The following INSR variants were observed in gnomAD, a reference collection of about 807,000 sequenced individuals.
INSR encodes insulin receptor, also known as IR.
A neutral mutation model predicts 142.6 loss-of-function variants in INSR; 67 were observed. The observed-to-expected ratio is 0.47, with a 90% CI of 0.39 to 0.58. The LOEUF (loss-of-function observed/expected upper bound fraction) is 0.58, where lower values mean the gene tolerates loss of function less well. INSR is among the 20% of genes least tolerant of loss of function. The probability of loss-of-function intolerance (pLI) is 0.00; values close to 1 mark genes in which losing one functional copy is unlikely to be tolerated. For synonymous variants in INSR, 756 were observed against 743.1 expected (o/e 1.02, Z -0.28); for missense variants, 1,248 against 1,833.2 (o/e 0.68, Z 5.83).
At chr19:7,202,927 C>T (rs1243764118) in intron 2 of INSR, among the ~76,000 whole-genome samples, 1 of 151,760 alleles carries the variant, frequency 6.6e-6, no homozygotes, top group African/African-American at 2.4e-5. Context: ...TGCTTACTTG[C>T]AGCCAGAGAT....
At chr19:7,271,708 G>C (rs1006554127) in intron 1 of INSR, among the ~76,000 whole-genome samples, 2 of 152,148 alleles carry the variant, frequency 1.3e-5, no homozygotes, top group Non-Finnish European at 2.9e-5. Flanking sequence ...GTCTATAGCA[G>C]CATTATTCAT....
At chr19:7,262,732 A>G (rs1977102526) in intron 2 of INSR, among the ~76,000 whole-genome samples, 1 of 152,222 alleles carries the variant, frequency 6.6e-6, no homozygotes. Context: ...ATGCTCAGTG[A>G]AATAAGCCAG....
At chr19:7,152,382 A>C in intron 10 of INSR, 1 of 50,808 alleles carries the variant, frequency 2.0e-5, no homozygotes, top group South Asian at 1.4e-4. Context: ...CTCTGTCAAA[A>C]AAAAAAAAAA....
chr19:7,233,194 A>G (rs1976043609), intron 2 of INSR, among the ~76,000 whole-genome samples: 1 of 152,100 alleles, frequency 6.6e-6, no homozygotes, highest in South Asian at 2.1e-4. Flanking sequence ...GGGTTTCACC[A>G]TGTTGGCCAG....
chr19:7,172,880 A>AAC (rs1483916170), intron 4 of INSR, among the ~76,000 whole-genome samples: 1 of 127,832 alleles, frequency 7.8e-6, no homozygotes, highest in Non-Finnish European at 1.8e-5. Context: ...TAAAACTACA[A>AAC]AAAAAAAAAA....
Position 7,141,835 on chromosome 19 carries a change from A to C in INSR, c.2543-19T>G, listed in dbSNP as rs374285618. On this transcript the variant is annotated intron_variant, in intron 12 of 21. Coordinates refer to ENST00000302850, the MANE Select transcript of INSR (RefSeq NM_000208.4). ...GCCTTGGCTGTAAGGAGAGGAAGTG[A>C]GAGGCAGGGATGTAACTCTTGGATG... is the stretch of plus-strand genomic sequence containing the variant. 6.2e-7 allele frequency: 1 copy of C among 1,606,204 alleles called. No individual in the cohort carries two copies. The highest frequency in any genetic ancestry group is 1.3e-5 in the African/African-American group (1 of 74,740).
chr19:7,150,488 G>A lies in INSR; in HGVS notation c.2267+9C>T. The stretch of plus-strand genomic sequence containing the variant: ...AGCAGGCACCAGGGGTCGCACAGGT[G>A]AGTCATACCTAGGGTCCTCGGCACC... On this transcript the variant is annotated intron_variant, in intron 11 of 21. Transcript: ENST00000302850. This position sits in a 1 kb window ranked among gnomAD's most constrained non-coding sequence, Gnocchi z 4.2. The A allele has an allele frequency of 6.2e-7, 1 of 1,614,022 alleles. No individual in the cohort carries two copies. Among genetic ancestry groups the A allele is most frequent in the Non-Finnish European group, 8.5e-7 (1 of 1,179,892 alleles).
intron 2 of INSR, among the ~76,000 whole-genome samples, chr19:7,215,556 GTATTTATTTATT>G (rs146786396): frequency 2.8e-4 from 42 of 148,406 alleles, no homozygotes; most frequent in Non-Finnish European, 4.9e-4. Context: ...TCCTTTTCCT[GTATTTATTTATT>G]TATTTATTTA....
At chr19:7,247,382 C>T (rs955600702) in intron 2 of INSR, among the ~76,000 whole-genome samples, 2 of 152,144 alleles carry the variant, frequency 1.3e-5, no homozygotes, top group Non-Finnish European at 2.9e-5. Flanking sequence ...CTCTGAGCCC[C>T]GGTCAACACA....
At chr19:7,217,684 C>T (rs1225336554) in intron 2 of INSR, among the ~76,000 whole-genome samples, 1 of 152,202 alleles carries the variant, frequency 6.6e-6, no homozygotes, top group Non-Finnish European at 1.5e-5. Flanking sequence ...CTCAGCCTCC[C>T]AAGTAGGTGG....
intron 2 of INSR, among the ~76,000 whole-genome samples, chr19:7,209,550 T>C (rs1410784612): frequency 1.3e-5 from 2 of 150,796 alleles, no homozygotes; most frequent in East Asian, 3.9e-4. Flanking sequence ...CTCGAGTAAC[T>C]GGGATTATAG....
Position 7,129,377 on chromosome 19 carries a change from T to A in INSR, c.2843-423A>T, listed in dbSNP as rs182774463. On this transcript the variant is annotated intron_variant, in intron 14 of 21. Transcript: ENST00000302850. ...TCTTGCTCTGACACCCAGGCTAGAG[T>A]TCAGTGGCACGATCTCGGCTCACTG... 7.2e-5 allele frequency among the ~76,000 whole-genome samples: 11 copies of A among 152,296 alleles called. No individual in the cohort carries two copies. In the East Asian group the frequency reaches 1.7e-3, roughly 24 times the overall value.
Position 7,116,700 on chromosome 19 carries a change from C to CAAAAAAAA in INSR, c.*348_*355dup, listed in dbSNP as rs71177157. Reference sequence around the variant, plus strand: ...TTTTATACTGAAGCTCAGACACCAGCAAAAAAAAAAAAAAAAAAAAAGAAT... The same window carrying CAAAAAAAA: ...TTTTATACTGAAGCTCAGACACCAGCAAAAAAAAAAAAAAAAAAAAAAAAAAAAAGAAT... On this transcript the variant is annotated 3_prime_UTR_variant, in exon 22 of 22. Transcript: ENST00000302850. 14,930 of 50,320 alleles carry CAAAAAAAA rather than the reference C, an allele frequency of 0.3. 3,991 individuals carry two copies. The highest frequency in any genetic ancestry group is 0.49 in the East Asian group (523 of 1,070). 3.1% of individuals were successfully genotyped at this position (50,320 alleles called of 1,614,324 possible).
In INSR at chr19:7,120,697, G is replaced by T. The variant is rs761206818; in HGVS notation, c.3582C>A (p.Gly1194=). The change falls in exon 20 of 22, where the codon GGC becomes GGA. Residue 1194 remains glycine, a synonymous_variant. Transcript: ENST00000302850. ...TCCACCGTACAGGGAGCAGACCCTT[G>T]CCCCCTTTCCGGTAGTAATCCGTTT... ...IYETDYYRKG[G]KGLLPVRWMA... is the part of the protein sequence containing the mutation. 4 of 1,614,128 alleles carry T rather than the reference G, an allele frequency of 2.5e-6. No homozygotes were observed. The highest frequency in any genetic ancestry group is 1.7e-5 in the Admixed American group (1 of 60,012).
rs1968550283 is a variant in INSR at position 7,293,439 on chromosome 19, C to T, written c.100+353G>A. 2.0e-5 allele frequency among the ~76,000 whole-genome samples: 3 copies of T among 152,212 alleles called. No homozygotes were observed. The South Asian group carries it at 6.2e-4, about 31-fold the overall frequency. ...AGACCCAGTGACCCCACTTCCCGGCCGCGACCCAAAGATGACGCGTGTCGT... is the reference window on the plus strand; with the variant it reads ...AGACCCAGTGACCCCACTTCCCGGCTGCGACCCAAAGATGACGCGTGTCGT... On this transcript the variant is annotated intron_variant, in intron 1 of 21. Coordinates refer to ENST00000302850, the MANE Select transcript of INSR (RefSeq NM_000208.4).
At position 7,116,843 on chromosome 19, in the gene INSR, T is replaced by C; in HGVS notation, c.*213A>G. The C allele has an allele frequency of 1.8e-6, 1 of 552,722 alleles. No homozygotes were observed. The highest frequency in any genetic ancestry group is 3.2e-5 in the Admixed American group (1 of 30,954). The allele number at this position is 552,722 out of a possible 1,614,324, so 34.2% of individuals were successfully genotyped here. On this transcript the variant is annotated 3_prime_UTR_variant, in exon 22 of 22. Coordinates refer to ENST00000302850, the MANE Select transcript of INSR (RefSeq NM_000208.4). ...AAGGAGCAGCAACTGTGGAAACCCC[T>C]TGCCCTCCAGGTTCACAGTTAAATC... is the stretch of plus-strand genomic sequence containing the variant.
At position 7,150,539 on chromosome 19, in the gene INSR, A is replaced by C. The variant is rs775596300; in HGVS notation, c.2232-7T>G. 3.7e-5 allele frequency: 59 copies of C among 1,614,092 alleles called. No homozygotes were observed. In the South Asian group the frequency reaches 6.5e-4, roughly 18 times the overall value. ...AGTGCCTGAAGAGGTTTTTCTGTGGAAACAAAACCAACGCCTTTGAGGACA... is the reference window on the plus strand; with the variant it reads ...AGTGCCTGAAGAGGTTTTTCTGTGGCAACAAAACCAACGCCTTTGAGGACA... On this transcript the variant is annotated splice_polypyrimidine_tract_variant and splice_region_variant and intron_variant, in intron 10 of 21. Transcript: ENST00000302850. The surrounding 1 kb of genome is among the most constrained non-coding windows in gnomAD (Gnocchi z 4.2).
intron 2 of INSR, among the ~76,000 whole-genome samples, chr19:7,257,177 C>A (rs1976921105): frequency 6.6e-6 from 1 of 152,048 alleles, no homozygotes; most frequent in Non-Finnish European, 1.5e-5. Context: ...CTCCTGACCT[C>A]AGTTGATCCA....
chr19:7,204,818 C>T (rs1310084253), intron 2 of INSR, among the ~76,000 whole-genome samples: 3 of 152,242 alleles, frequency 2.0e-5, no homozygotes, highest in Non-Finnish European at 2.9e-5. Flanking sequence ...CAGTGGCTCA[C>T]GCCTGTAATC....
Sources: gnomAD v4.1 joint callset for allele counts (sites outside exome capture counted in the v4.1 genomes callset) on GRCh38, gnomAD v4.1.1 for gene constraint, Gnocchi (gnomAD v3.1) non-coding constraint, MANE v1.5 for transcripts, NCBI Gene and HGNC (gene_info 2026-07-23, HGNC 2026-07-21) for gene names.